The following RPS6 variants were observed in gnomAD, a reference collection of about 807,000 sequenced individuals.
The protein encoded by RPS6 is ribosomal protein S6, also known as small ribosomal subunit protein eS6.
A neutral mutation model predicts 27.1 loss-of-function variants in RPS6; 1 was observed. The observed-to-expected ratio is 0.04, with a 90% confidence interval of 0.01 to 0.18. The LOEUF (loss-of-function observed/expected upper bound fraction) is 0.18. Ranked by LOEUF, RPS6 falls within the 10% of genes least tolerant of loss-of-function variation. The probability of loss-of-function intolerance (pLI) is 1.00; values close to 1 mark genes in which losing one functional copy is unlikely to be tolerated. For synonymous variants in RPS6, 152 were observed against 106.0 expected, an observed-to-expected ratio of 1.43 and a Z score of -2.66; for missense variants, 259 against 319.1, an observed-to-expected ratio of 0.81 and a Z score of 1.44.
intron 4 of RPS6, among the ~76,000 whole-genome samples, chr9:19,377,043 C>T (rs538651555): frequency 6.6e-6 from 1 of 152,308 alleles, no homozygotes; most frequent in Admixed American, 6.5e-5. Context: ...ATCTCTATTT[C>T]CTTTGACAAT....
intron 4 of RPS6, among the ~76,000 whole-genome samples, chr9:19,377,731 C>T (rs931576238): frequency 1.5e-4 from 23 of 152,318 alleles, no homozygotes; most frequent in African/African-American, 5.3e-4. Context: ...GGTAAAGCTC[C>T]AAAATCCCTA....
At chr9:19,376,746 A>G in intron 4 of RPS6, 95 bp from the exon 5 acceptor site, 1 of 1,274,558 alleles carries the variant, frequency 7.8e-7, no homozygotes, top group Non-Finnish European at 1.1e-6. Context: ...GCTTAACAGC[A>G]TCTATGAAAA....
chr9:19,379,526 G>A lies in RPS6; in HGVS notation c.99C>T (p.Ala33=). 6.2e-7 allele frequency: 1 copy of A among 1,614,114 alleles called. No individual in the cohort carries two copies. Residue 33 remains alanine (A), a synonymous_variant, in exon 2 of 6, where the codon GCC becomes GCT. Coordinates refer to ENST00000380394, the MANE Select transcript of RPS6 (RefSeq NM_001010.3). The part of the protein sequence containing the change: ...KLRTFYEKRM[A]TEVAADALGE... ...CCAGAGCGTCAGCAGCAACTTCTGT[G>A]GCCATACGCTTCTCATAGAAAGTAC...
At position 19,376,254 on chromosome 9, in the gene RPS6, ATCAGAG is replaced by A; in HGVS notation, c.*33_*38del. On this transcript the variant is annotated 3_prime_UTR_variant, in exon 6 of 6. Coordinates refer to ENST00000380394, the MANE Select transcript of RPS6 (RefSeq NM_001010.3). ...TATCAGCAATGAAAAGTCAACAGAG[ATCAGAG>A]TCTGATCTTATTTATTTGTTACTCA... 1 of 1,525,762 alleles carries A rather than the reference ATCAGAG, an allele frequency of 6.6e-7. No homozygotes were observed. Among genetic ancestry groups the A allele is most frequent in the East Asian group, 2.3e-5 (1 of 44,350 alleles). 94.5% of individuals were successfully genotyped at this position (1,525,762 alleles called of 1,614,324 possible).
chr9:19,376,421 C>G (rs1829589019), intron 5 of RPS6, 33 bp from the exon 6 acceptor site: 1 of 1,613,180 alleles, frequency 6.2e-7, no homozygotes, highest in Non-Finnish European at 8.5e-7. Flanking sequence ...CAGTTAAGGC[C>G]TTTCTGGGTT....
rs1829587816 is a variant in RPS6, at chr9:19,376,374, C to T, written c.669G>A (p.Lys223=). 6.2e-7 allele frequency: 1 copy of T among 1,614,156 alleles called. No individual in the cohort carries two copies. The highest frequency in any genetic ancestry group is 8.5e-7 in the Non-Finnish European group (1 of 1,180,022). ...LAKRMKEAKE[K]RQEQIAKRRR... is the part of the protein sequence containing the mutation. ...GTCTCTTCGCAATTTGTTCCTGGCG[C>T]TTCTCCTTAGCCTCCTAAACAAAAC... is the stretch of plus-strand genomic sequence containing the variant. The change falls in exon 6 of 6, where the codon AAG becomes AAA. Residue 223 remains lysine, a synonymous_variant. Coordinates refer to ENST00000380394, the MANE Select transcript of RPS6 (RefSeq NM_001010.3).
At chr9:19,377,915 G>A (rs1829616341) in intron 4 of RPS6, among the ~76,000 whole-genome samples, 1 of 152,140 alleles carries the variant, frequency 6.6e-6, no homozygotes, top group Non-Finnish European at 1.5e-5. Flanking sequence ...CCAGCACTTT[G>A]GGAAGCCAAA....
intron 4 of RPS6, among the ~76,000 whole-genome samples, chr9:19,377,169 A>G (rs1460508804): frequency 1.3e-5 from 2 of 152,216 alleles, no homozygotes; most frequent in Non-Finnish European, 1.5e-5. Context: ...ACAGATCTGC[A>G]TTGGAGCATA....
intron 1 of RPS6, 188 bp from the exon 2 acceptor site, chr9:19,379,806 C>CA: frequency 7.0e-7 from 1 of 1,434,758 alleles, no homozygotes; most frequent in Non-Finnish European, 9.1e-7. Flanking sequence ...GCGCCGCACT[C>CA]AGCAGGACGT....
In RPS6 at chr9:19,376,511, A is replaced by C; in HGVS notation, c.637T>G (p.Leu213Val). 6.2e-7 allele frequency: 1 copy of C among 1,613,988 alleles called. No individual in the cohort carries two copies. Residue 213 changes from leucine to valine, a missense_variant, in exon 5 of 6, where the codon TTG (leucine) becomes GTG (valine). By Grantham distance (32) the Leu-to-Val change is conservative. Around this residue, in one of 3 missense-constraint regions of RPS6, gnomAD observed 191 missense variants for 231.6 expected, o/e 0.82. Coordinates refer to ENST00000380394, the MANE Select transcript of RPS6 (RefSeq NM_001010.3). The part of the protein sequence containing the change: ...KEEAAEYAKL[L>V]AKRMKEAKEK... ...AGACTAACCTTCATTCTCTTGGCCA[A>C]AAGTTTAGCATATTCTGCAGCCTCT...
Position 19,378,531 on chromosome 9 carries a change from G to T in RPS6, c.350-17C>A, listed in dbSNP as rs773881126. 1.2e-6 allele frequency: 2 copies of T among 1,607,160 alleles called. No individual in the cohort carries two copies. Among genetic ancestry groups the T allele is most frequent in the Non-Finnish European group, 1.7e-6 (2 of 1,177,910 alleles). ...CCTTCTCTCCTTAGAAGAAACAGTT[G>T]AAGAGATTTTAATTCAACAACTTCC... On this transcript the variant is annotated splice_polypyrimidine_tract_variant and intron_variant, in intron 3 of 5. Transcript: ENST00000380394.
chr9:19,378,393 A>G lies in RPS6; in HGVS notation c.471T>C (p.Val157=), dbSNP rs542371143. 28 of 1,613,034 alleles carry G rather than the reference A, an allele frequency of 1.7e-5. 3 individuals carry two copies. Among genetic ancestry groups the G allele is most frequent in the Middle Eastern group, 2.0e-4 (1 of 5,122 alleles). The change falls in exon 4 of 6, where the codon GTT becomes GTC. Residue 157 remains valine (V), a synonymous_variant. Transcript: ENST00000380394. ...CTTCTTTATTTAAGGGCTTTCTTAC[A>G]ACATACTGGCGGACATCATCTTCTT... ...LSKEDDVRQY[V]VRKPLNKEGK...
chr9:19,377,509 C>T (rs969403160), intron 4 of RPS6, among the ~76,000 whole-genome samples: 4 of 151,310 alleles, frequency 2.6e-5, no homozygotes, highest in Non-Finnish European at 4.4e-5. Flanking sequence ...ACTTAACAGA[C>T]GTATACTATC....
rs370831616 is a variant in RPS6, at chr9:19,378,350, T to A, written c.496+18A>T. ...ATTACCAAAATTAAGCAAGCCCTAA[T>A]TGCATAATCCCTCCTACCTTCTTTA... On this transcript the variant is annotated intron_variant, in intron 4 of 5. Transcript: ENST00000380394. 1.2e-6 allele frequency: 2 copies of A among 1,609,562 alleles called. No homozygotes were observed. The highest frequency in any genetic ancestry group is 1.7e-5 in the Admixed American group (1 of 59,446).
rs745393679 is a variant in RPS6, at chr9:19,380,165, T to C, written c.6+25A>G. On this transcript the variant is annotated intron_variant, in intron 1 of 5. Coordinates refer to ENST00000380394, the MANE Select transcript of RPS6 (RefSeq NM_001010.3). ...CTCGATTCACGTTCCCCAAACCCAG[T>C]CTAACACTCGCCACCATCACCTACC... 14 of 1,613,334 alleles carry C rather than the reference T, an allele frequency of 8.7e-6. 1 individual carries two copies. The South Asian group carries it at 1.2e-4, about 14-fold the overall frequency.
At chr9:19,379,850 GC>G in intron 1 of RPS6, 1 of 1,425,674 alleles carries the variant, frequency 7.0e-7, no homozygotes, top group Non-Finnish European at 9.1e-7. Context: ...GACTCTGGGG[GC>G]GAGGGCACTC....
intron 2 of RPS6, chr9:19,379,219 G>C: frequency 8.1e-7 from 1 of 1,231,804 alleles, no homozygotes; most frequent in Non-Finnish European, 1.1e-6. Flanking sequence ...TGGCACTTTG[G>C]GGATTATGAG....
At chr9:19,379,800 C>T in intron 1 of RPS6, 182 bp from the exon 2 acceptor site, 5 of 1,438,734 alleles carry the variant, frequency 3.5e-6, no homozygotes, top group Non-Finnish European at 4.5e-6. Flanking sequence ...CAAGAAGCGC[C>T]GCACTCAGCA....
At chr9:19,379,399 C>G in intron 2 of RPS6, 88 bp downstream of exon 2, 1 of 1,575,628 alleles carries the variant, frequency 6.3e-7, no homozygotes, top group South Asian at 1.1e-5. Flanking sequence ...AGCCAGAACC[C>G]GGAGTCTGAA....
Sources: allele counts gnomAD v4.1 joint callset (sites outside exome capture counted in the v4.1 genomes callset), GRCh38; gene constraint gnomAD v4.1.1; regional missense constraint gnomAD v4.1.1; transcripts MANE v1.5; gene names NCBI Gene and HGNC (gene_info 2026-07-23, HGNC 2026-07-21).